Variants in LYRM4 observed in about 807,000 individuals in gnomAD.
The protein encoded by LYRM4 is LYR motif containing 4.
LYRM4 carries 9 observed loss-of-function variants against 11.7 expected under a neutral mutation model. The observed-to-expected ratio is 0.77, with a 90% CI of 0.46 to 1.34. The LOEUF (loss-of-function observed/expected upper bound fraction) is 1.34, where lower values mean the gene tolerates loss of function less well. Among genes scored for constraint, LYRM4 ranks in the 40% most tolerant of loss-of-function variants. LYRM4 has a pLI of 0.00. For missense variants in LYRM4, 133 were observed against 112.5 expected (o/e 1.18, Z -0.82); for synonymous variants, 42 against 40.4 (o/e 1.04, Z -0.15).
At chr6:5,211,901 T>C (rs1385461102) in intron 2 of LYRM4, among the ~76,000 whole-genome samples, 1 of 152,252 alleles carries the variant, frequency 6.6e-6, no homozygotes, top group Non-Finnish European at 1.5e-5. Context: ...AACCCAGTTC[T>C]GGCAACTTCT....
intron 1 of LYRM4, among the ~76,000 whole-genome samples, chr6:5,227,973 G>T (rs916351558): frequency 5.3e-5 from 8 of 152,116 alleles, no homozygotes; most frequent in Non-Finnish European, 1.5e-5. Context: ...TCACACACCA[G>T]GACCTGTTGC....
chr6:5,128,500 C>T (rs1763797399), intron 2 of LYRM4, among the ~76,000 whole-genome samples: 1 of 152,214 alleles, frequency 6.6e-6, no homozygotes, highest in African/African-American at 2.4e-5. Context: ...GGCTGCCTGG[C>T]TGACAGATGG....
chr6:5,186,952 C>G (rs1760435547), intron 2 of LYRM4: 1 of 581,232 alleles, frequency 1.7e-6, no homozygotes, highest in Non-Finnish European at 2.2e-6. Flanking sequence ...CCAATGCACT[C>G]CAGCCTGGGC....
intron 2 of LYRM4, among the ~76,000 whole-genome samples, chr6:5,126,893 T>C (rs575968182): frequency 6.6e-6 from 1 of 152,180 alleles, no homozygotes; most frequent in Non-Finnish European, 1.5e-5. Context: ...TGAAAATGTT[T>C]TAAATTTGAT....
At chr6:5,212,028 G>A (rs1762013059) in intron 2 of LYRM4, among the ~76,000 whole-genome samples, 1 of 152,138 alleles carries the variant, frequency 6.6e-6, no homozygotes, top group Admixed American at 6.5e-5. Flanking sequence ...ATTTCAAAAT[G>A]CTTAGAAAAT....
intron 2 of LYRM4, among the ~76,000 whole-genome samples, chr6:5,118,452 C>T (rs1365792337): frequency 6.6e-6 from 1 of 152,092 alleles, no homozygotes; most frequent in Non-Finnish European, 1.5e-5. Context: ...AGCATATGGT[C>T]TCAGATGGCA....
At chr6:5,120,623 C>A (rs1452038825) in intron 2 of LYRM4, among the ~76,000 whole-genome samples, 1 of 152,120 alleles carries the variant, frequency 6.6e-6, no homozygotes, top group Non-Finnish European at 1.5e-5. Context: ...CTGCCCATGT[C>A]CTGCTGATTG....
chr6:5,115,456 C>T (rs1011058049), intron 2 of LYRM4, among the ~76,000 whole-genome samples: 4 of 152,190 alleles, frequency 2.6e-5, no homozygotes, highest in African/African-American at 4.8e-5. Context: ...AACAAGAACA[C>T]GGGATTCTCC....
chr6:5,251,066 C>T (rs943039309), intron 1 of LYRM4, among the ~76,000 whole-genome samples: 5 of 152,198 alleles, frequency 3.3e-5, no homozygotes, highest in African/African-American at 4.8e-5. Flanking sequence ...TTTCTTGAGC[C>T]GTCCTTATAT....
chr6:5,246,356 G>C (rs1389996248), intron 1 of LYRM4, among the ~76,000 whole-genome samples: 1 of 152,212 alleles, frequency 6.6e-6, no homozygotes, highest in Non-Finnish European at 1.5e-5. Context: ...GAAGCAAGGG[G>C]GTGGAGTGGC....
the LYRM4 span, among the ~76,000 whole-genome samples, chr6:5,069,059 C>CA: frequency 3.1e-3 from 456 of 148,272 alleles, 2 homozygotes; most frequent in East Asian, 8.7e-3. Flanking sequence ...TTATTTGGTG[C>CA]AAAAAAAAAA....
chr6:5,053,559 T>C, the LYRM4 span, among the ~76,000 whole-genome samples: 2 of 151,742 alleles, frequency 1.3e-5, no homozygotes, highest in African/African-American at 4.8e-5. Context: ...CCCCAGAAGT[T>C]TGAGGCTGCA....
At chr6:5,104,717 G>A (rs1762609088), downstream of LYRM4, 1 of 152,162 alleles carries the variant, frequency 6.6e-6, no homozygotes, top group African/African-American at 2.4e-5. Flanking sequence ...GTCAGCAGTG[G>A]GGACAAAATT....
At chr6:5,243,025 G>A (rs796507455) in intron 1 of LYRM4, among the ~76,000 whole-genome samples, 9 of 151,564 alleles carry the variant, frequency 5.9e-5, no homozygotes, top group East Asian at 1.9e-4. Flanking sequence ...CACCCGCCTC[G>A]GCCTCCCAAA....
chr6:5,066,978 C>A, the LYRM4 span: 1 of 947,722 alleles, frequency 1.1e-6, no homozygotes, highest in Admixed American at 3.0e-5. Context: ...CACTGGGATC[C>A]ACATGTCTTT....
the LYRM4 span, chr6:5,088,818 C>A: frequency 6.6e-6 from 1 of 152,134 alleles, no homozygotes; most frequent in Non-Finnish European, 1.5e-5. Flanking sequence ...GTGAAAAGTG[C>A]GGTTATCATT....
downstream of LYRM4, chr6:5,104,566 A>G (rs1346841239): frequency 6.6e-6 from 1 of 152,184 alleles, no homozygotes; most frequent in Non-Finnish European, 1.5e-5. Flanking sequence ...ATGAGCCACC[A>G]CACCCAACTC....
chr6:5,141,310 G>A (rs961505982), intron 2 of LYRM4, among the ~76,000 whole-genome samples: 8 of 152,064 alleles, frequency 5.3e-5, no homozygotes, highest in Non-Finnish European at 8.8e-5. Context: ...TCAATAACTC[G>A]CCCTCTGTCC....
chr6:5,230,018 G>A (rs774786106), intron 1 of LYRM4, among the ~76,000 whole-genome samples: 4 of 152,130 alleles, frequency 2.6e-5, no homozygotes, highest in South Asian at 2.1e-4. Context: ...TTTTTAAAAC[G>A]TAAACCAATT....
Sources: allele counts gnomAD v4.1 joint callset (sites outside exome capture counted in the v4.1 genomes callset), GRCh38; gene constraint gnomAD v4.1.1; transcripts MANE v1.5; gene names NCBI Gene and HGNC (gene_info 2026-07-23, HGNC 2026-07-21).